DOCK1: variants seen among roughly 807,000 people sequenced by gnomAD.
DOCK1 encodes dedicator of cytokinesis protein 1.
In DOCK1, 138 loss-of-function variants were observed where a neutral mutation model predicts 262.7. The ratio of observed to expected loss-of-function variants is 0.53; its 90% confidence interval spans 0.46 to 0.61. The LOEUF is 0.61. Among genes scored for constraint, DOCK1 ranks in the 20% least tolerant of loss-of-function variants. The pLI is 0.00. For missense variants in DOCK1, 1,908 were observed against 2,370.7 expected, an observed-to-expected ratio of 0.80 and a Z score of 4.05; for synonymous variants, 866 against 867.4, an observed-to-expected ratio of 1.00 and a Z score of 0.03.
At chr10:127,246,170 A>G (rs1387541985) in intron 27 of DOCK1, among the ~76,000 whole-genome samples, 1 of 152,176 alleles carries the variant, frequency 6.6e-6, no homozygotes, top group Non-Finnish European at 1.5e-5. Context: ...AGGAAGAGTT[A>G]AAATGTGCAT....
chr10:126,994,593 C>T (rs370204389), intron 6 of DOCK1, among the ~76,000 whole-genome samples: 33 of 152,288 alleles, frequency 2.2e-4, no homozygotes, highest in African/African-American at 7.9e-4. Context: ...TCCGTTTAAC[C>T]CTGAGTGGAC....
intron 21 of DOCK1, among the ~76,000 whole-genome samples, chr10:127,047,225 T>C (rs1458335987): frequency 6.6e-6 from 1 of 152,198 alleles, no homozygotes; most frequent in Non-Finnish European, 1.5e-5. Flanking sequence ...GAGTCAGTAA[T>C]GGTTGAAAGT....
At chr10:126,948,833 C>T (rs1207082676) in intron 1 of DOCK1, among the ~76,000 whole-genome samples, 2 of 152,040 alleles carry the variant, frequency 1.3e-5, no homozygotes, top group South Asian at 4.2e-4. Context: ...GGGAACCTTG[C>T]CCCCTATGCC....
intron 51 of DOCK1, among the ~76,000 whole-genome samples, chr10:127,448,526 T>A (rs550545575): frequency 6.6e-6 from 1 of 152,250 alleles, no homozygotes; most frequent in Non-Finnish European, 1.5e-5. Context: ...GAGGGCAGCA[T>A]GAGTGGGATG....
At chr10:127,441,949 G>A (rs10830063) in intron 49 of DOCK1, among the ~76,000 whole-genome samples, 46,727 of 151,808 alleles carry the variant, frequency 0.31, 7,726 homozygotes, top group East Asian at 0.44. Flanking sequence ...GATGCAGGGA[G>A]GCCAGGAGAA....
In DOCK1 at chr10:127,043,997, A is replaced by G. The variant is rs139616550; in HGVS notation, c.2201+833A>G. Among the ~76,000 whole-genome samples the G allele has an allele frequency of 2.8e-3, 427 of 152,288 alleles. 2 individuals are homozygous for G. Among genetic ancestry groups the G allele is most frequent in the African/African-American group, 9.0e-3 (375 of 41,552 alleles). On this transcript the variant is annotated intron_variant, in intron 21 of 51. Transcript: ENST00000623213. The stretch of plus-strand genomic sequence containing the variant: ...GGGTTTCATTATCATTAGATTTATT[A>G]TGATGACTTACCGGCTCTTTCTTGG...
chr10:127,283,971 C>G (rs571811417), intron 29 of DOCK1, among the ~76,000 whole-genome samples: 1 of 152,308 alleles, frequency 6.6e-6, no homozygotes, highest in South Asian at 2.1e-4. Context: ...TTATTGCACT[C>G]TCGCCAGAAT....
At chr10:127,020,567 C>CA (rs772736819) in intron 13 of DOCK1, among the ~76,000 whole-genome samples, 8,047 of 116,554 alleles carry the variant, frequency 0.069, 207 homozygotes, top group Middle Eastern at 0.091. Context: ...GAACCTGTCT[C>CA]AAAAAAAAAA....
At position 127,228,953 on chromosome 10, in the gene DOCK1, C is replaced by G. The variant is rs529858636; in HGVS notation, c.2848-19055C>G. On this transcript the variant is annotated intron_variant, in intron 27 of 51. Transcript: ENST00000623213. ...AACACTTAAAAACTACCGTCTTTGG[C>G]CGGGTGCAGTGGCTCACACCTGTAA... Among the ~76,000 whole-genome samples, 15 of 152,244 alleles carry G rather than the reference C, an allele frequency of 9.9e-5. No homozygotes were observed. The South Asian group carries it at 2.9e-3, about 29-fold the overall frequency.
chr10:127,214,325 G>T (rs995999027), intron 27 of DOCK1, among the ~76,000 whole-genome samples: 6 of 152,124 alleles, frequency 3.9e-5, no homozygotes, highest in South Asian at 2.1e-4. Flanking sequence ...ACAGATTTGG[G>T]ATTCATTTTC....
At chr10:127,375,897 T>A (rs1021526440) in intron 35 of DOCK1, among the ~76,000 whole-genome samples, 2 of 152,180 alleles carry the variant, frequency 1.3e-5, no homozygotes, top group African/African-American at 2.4e-5. Flanking sequence ...TCTTCTTAGA[T>A]CTGTAGATAA....
chr10:127,013,139 C>T (rs2041599070), intron 12 of DOCK1, among the ~76,000 whole-genome samples: 1 of 152,154 alleles, frequency 6.6e-6, no homozygotes, highest in Non-Finnish European at 1.5e-5. Flanking sequence ...TGAATTGAGC[C>T]TGAAGAATGT....
At chr10:126,998,485 G>T in intron 8 of DOCK1, 1 of 461,094 alleles carries the variant, frequency 2.2e-6, no homozygotes, top group Non-Finnish European at 3.9e-6. Context: ...AGTTATAGCA[G>T]TTGCAGGTAC....
At chr10:126,919,848 C>G (rs931808268) in intron 1 of DOCK1, among the ~76,000 whole-genome samples, 1 of 152,190 alleles carries the variant, frequency 6.6e-6, no homozygotes, top group Non-Finnish European at 1.5e-5. Context: ...CTGCTGTGGT[C>G]CCTGGCACAC....
chr10:127,095,577 C>A (rs1377658843), intron 23 of DOCK1, among the ~76,000 whole-genome samples: 1 of 152,138 alleles, frequency 6.6e-6, no homozygotes, highest in Admixed American at 6.5e-5. Context: ...GAGCCATGGC[C>A]CAGCTCTTGC....
chr10:126,932,839 T>C (rs2034285677), intron 1 of DOCK1, among the ~76,000 whole-genome samples: 1 of 152,080 alleles, frequency 6.6e-6, no homozygotes, highest in Non-Finnish European at 1.5e-5. Context: ...GGGGGAACTT[T>C]CCCTCACCGC....
At chr10:127,223,118 G>T (rs1198022053) in intron 27 of DOCK1, among the ~76,000 whole-genome samples, 1 of 152,168 alleles carries the variant, frequency 6.6e-6, no homozygotes, top group South Asian at 2.1e-4. Flanking sequence ...TGTCACAGTG[G>T]TCACAACTAA....
At chr10:127,192,639 G>A (rs1189812934) in intron 27 of DOCK1, 2 of 152,186 alleles carry the variant, frequency 1.3e-5, no homozygotes, top group Non-Finnish European at 2.9e-5. Flanking sequence ...TGAATTTGGA[G>A]CCAGGAAATG....
rs768434198 is a variant in DOCK1 at position 127,403,028 on chromosome 10, CTT to C, written c.3928-25_3928-24del. ...TTGCACAATTCAGGCCTCGGCTTCT[CTT>C]TCTTTTCTTTATTTTAACTCACAGA... is the stretch of plus-strand genomic sequence containing the variant. On this transcript the variant is annotated intron_variant, in intron 38 of 51. Transcript: ENST00000623213. The C allele has an allele frequency of 3.0e-4, 482 of 1,589,768 alleles. No individual in the cohort carries two copies. In the Middle Eastern group the frequency reaches 3.5e-3, roughly 12 times the overall value.
Sources: gnomAD v4.1 joint callset for allele counts (sites outside exome capture counted in the v4.1 genomes callset) on GRCh38, gnomAD v4.1.1 for gene constraint, MANE v1.5 for transcripts, NCBI Gene and HGNC (gene_info 2026-07-23, HGNC 2026-07-21) for gene names.